C1orf174: variants seen among roughly 807,000 people sequenced by gnomAD.
The protein encoded by C1orf174 is UPF0688 protein C1orf174.
C1orf174 carries 13 observed loss-of-function variants against 18.4 expected under a neutral mutation model. That is an observed-to-expected ratio of 0.71 (90% confidence interval 0.46 to 1.12). The LOEUF (loss-of-function observed/expected upper bound fraction) is 1.12. C1orf174 is among the 50% of genes most tolerant of loss of function. The pLI, the probability that C1orf174 is intolerant of heterozygous loss-of-function variation, is 0.00. For missense variants in C1orf174, 309 were observed against 308.0 expected (o/e 1.00, Z -0.02); for synonymous variants, 100 against 118.3 (o/e 0.85, Z 1.01).
chr1:3,900,181 C>A lies in C1orf174; in HGVS notation c.6G>T (p.Arg2Ser). 1 of 1,587,136 alleles carries A rather than the reference C, an allele frequency of 6.3e-7. No homozygotes were observed. The highest frequency in any genetic ancestry group is 1.1e-5 in the South Asian group (1 of 89,878). ...GGGACCCAGCCCTCACCTTCCGGCT[C>A]CTCATGAGTGTGAGCACCGCAGCCA... M[R>S]SRKLTGAVRS... The change falls in exon 1 of 4, where the codon AGG becomes AGT. Residue 2 changes from arginine to serine, a missense_variant. Arg to Ser is a moderately radical substitution (Grantham distance 110). Coordinates refer to ENST00000361605, the MANE Select transcript of C1orf174 (RefSeq NM_207356.3).
chr1:3,897,436 G>A (rs1054032998), intron 1 of C1orf174, among the ~76,000 whole-genome samples: 6 of 152,196 alleles, frequency 3.9e-5, no homozygotes, highest in African/African-American at 1.4e-4. Context: ...GGCAGGATAA[G>A]CAAACTTGAA....
Position 3,889,789 on chromosome 1 carries a change from G to C in C1orf174, c.*171C>G, listed in dbSNP as rs1638468145. The C allele has an allele frequency of 7.6e-6, 5 of 658,962 alleles. No homozygotes were observed. In the East Asian group the frequency reaches 1.3e-4, roughly 17 times the overall value. 40.8% of individuals were successfully genotyped at this position (658,962 alleles called of 1,614,324 possible). A position where few individuals can be genotyped will look rare whatever the true frequency, so the allele number is the denominator to read the frequency against. On this transcript the variant is annotated 3_prime_UTR_variant, in exon 4 of 4. Transcript: ENST00000361605. ...ATGGTTTGAGTTTTAGTTCCCATGA[G>C]TACATCCTCCACAGGTATTGGGTGC...
At position 3,889,749 on chromosome 1, in the gene C1orf174, T is replaced by C. The variant is rs1638467386; in HGVS notation, c.*211A>G. On this transcript the variant is annotated 3_prime_UTR_variant, in exon 4 of 4. Transcript: ENST00000361605. ...AAGGACATTGGCACAGTACAGCAGC[T>C]TTGCAACCTCAAAGATGGTTTGAGT... The C allele has an allele frequency of 1.7e-6, 1 of 579,574 alleles. No homozygotes were observed. Among genetic ancestry groups the C allele is most frequent in the East Asian group, 2.8e-5 (1 of 35,618 alleles). 35.9% of individuals were successfully genotyped at this position (579,574 alleles called of 1,614,324 possible).
At chr1:3,890,188 C>T (rs1011889786) in intron 3 of C1orf174, 115 bp from the exon 4 acceptor site, 4 of 800,118 alleles carry the variant, frequency 5.0e-6, no homozygotes, top group South Asian at 3.2e-5. Context: ...CCCTTTTAGA[C>T]GTGTGAAAAT....
intron 1 of C1orf174, among the ~76,000 whole-genome samples, chr1:3,895,142 G>T (rs1289619752): frequency 6.6e-6 from 1 of 152,222 alleles, no homozygotes; most frequent in Non-Finnish European, 1.5e-5. Context: ...GCTCTGTGCT[G>T]GAGTATGCTG....
chr1:3,898,516 AAACAACAACAACAACAACAAC>A (rs774183697), intron 1 of C1orf174, among the ~76,000 whole-genome samples: 1 of 139,228 alleles, frequency 7.2e-6, no homozygotes. Flanking sequence ...CTCAAAGCAA[AAACAACAACAACAACAACAAC>A]AACAACAACA....
chr1:3,891,787 CA>C, intron 2 of C1orf174: 1 of 986,306 alleles, frequency 1.0e-6, no homozygotes, highest in Non-Finnish European at 1.2e-6. Flanking sequence ...ACGCTAAGAG[CA>C]GAGCGATGAG....
At chr1:3,894,496 A>G (rs145716888) in intron 1 of C1orf174, among the ~76,000 whole-genome samples, 3,153 of 150,028 alleles carry the variant, frequency 0.021, 66 homozygotes, top group African/African-American at 0.05. Flanking sequence ...AGTCCCAGCT[A>G]CTTGGGAGGC....
intron 2 of C1orf174, chr1:3,891,906 G>A: frequency 2.9e-6 from 2 of 688,650 alleles, no homozygotes; most frequent in Non-Finnish European, 3.5e-6. Context: ...TAGGATCAGG[G>A]CCCGGGTCTA....
At chr1:3,899,558 C>T (rs1418373579) in intron 1 of C1orf174, among the ~76,000 whole-genome samples, 1 of 152,220 alleles carries the variant, frequency 6.6e-6, no homozygotes, top group Non-Finnish European at 1.5e-5. Context: ...CCACTTTTAG[C>T]ACATTCAGTA....
rs978716988 is a variant in C1orf174, at chr1:3,889,701, A to G, written c.*259T>C. The stretch of plus-strand genomic sequence containing the variant: ...CAAGAGAGAAACTCTGTCTCCAAGG[A>G]AAAAAAAAAAAAAAAAAAAAGAAAG... On this transcript the variant is annotated 3_prime_UTR_variant, in exon 4 of 4. Transcript: ENST00000361605. 30 of 53,586 alleles carry G rather than the reference A, an allele frequency of 5.6e-4. No homozygotes were observed. Among genetic ancestry groups the G allele is most frequent in the South Asian group, 2.0e-3 (4 of 2,016 alleles). The allele number at this position is 53,586 out of a possible 1,614,324, so 3.3% of individuals were successfully genotyped here. A position where few individuals can be genotyped will look rare whatever the true frequency, so the allele number is the denominator to read the frequency against.
At position 3,890,692 on chromosome 1, in the gene C1orf174, T is replaced by C; in HGVS notation, c.495A>G (p.Pro165=). The change falls in exon 3 of 4, where the codon CCA becomes CCG. Residue 165 remains proline, a synonymous_variant. Transcript: ENST00000361605. Reference sequence around the variant, plus strand: ...TCTGCACATCCTCTGTCTGTAGCCCTGGCTCATTCTGCTTCTGCACAGTGG... The same window carrying C: ...TCTGCACATCCTCTGTCTGTAGCCCCGGCTCATTCTGCTTCTGCACAGTGG... ...SSSTVQKQNE[P]GLQTEDVQKP... 1 of 1,614,176 alleles carries C rather than the reference T, an allele frequency of 6.2e-7. No homozygotes were observed. Among genetic ancestry groups the C allele is most frequent in the South Asian group, 1.1e-5 (1 of 91,078 alleles).
chr1:3,893,070 C>T (rs1638544274), intron 1 of C1orf174, 74 bp from the exon 2 acceptor site: 2 of 1,519,404 alleles, frequency 1.3e-6, no homozygotes, highest in Non-Finnish European at 1.8e-6. Context: ...AATTTCCCAC[C>T]TAAAGAACAC....
At chr1:3,898,873 A>G (rs1040119191) in intron 1 of C1orf174, among the ~76,000 whole-genome samples, 2 of 152,252 alleles carry the variant, frequency 1.3e-5, no homozygotes, top group African/African-American at 4.8e-5. Flanking sequence ...TTGAGTTTGT[A>G]ACATTATCAG....
intron 1 of C1orf174, among the ~76,000 whole-genome samples, chr1:3,893,997 A>T (rs1379178207): frequency 6.6e-6 from 1 of 152,244 alleles, no homozygotes; most frequent in East Asian, 1.9e-4. Flanking sequence ...AACATTAAGA[A>T]ATTAGTGACA....
At chr1:3,899,815 C>T (rs762820999) in intron 1 of C1orf174, among the ~76,000 whole-genome samples, 2 of 152,004 alleles carry the variant, frequency 1.3e-5, no homozygotes, top group Non-Finnish European at 2.9e-5. Context: ...CCGGAGCCCC[C>T]CTTCTCCCGC....
Position 3,890,554 on chromosome 1 carries a change from AG to A in C1orf174, c.618+14del. On this transcript the variant is annotated intron_variant, in intron 3 of 3. Transcript: ENST00000361605. The stretch of plus-strand genomic sequence containing the variant: ...TGCCTGAGTACCCACGGGAGGAGGA[AG>A]GCGCCGCTCTTACCTGCATGAGCTC... The A allele has an allele frequency of 6.2e-7, 1 of 1,611,744 alleles. No homozygotes were observed.
Position 3,890,127 on chromosome 1 carries a change from G to C in C1orf174, c.619-54C>G, listed in dbSNP as rs553935788. ...TCATGAGCAATACATATCTGCACCC[G>C]CATTTGCAATGTGCCCCACCCAGCG... On this transcript the variant is annotated intron_variant, in intron 3 of 3. Coordinates refer to ENST00000361605, the MANE Select transcript of C1orf174 (RefSeq NM_207356.3). 30 of 1,420,396 alleles carry C rather than the reference G, an allele frequency of 2.1e-5. No individual in the cohort carries two copies. In the Admixed American group the frequency reaches 4.6e-4, roughly 22 times the overall value. The allele number at this position is 1,420,396 out of a possible 1,614,324, so 88.0% of individuals were successfully genotyped here. A position where few individuals can be genotyped will look rare whatever the true frequency, so the allele number is the denominator to read the frequency against.
Position 3,890,674 on chromosome 1 carries a change from A to G in C1orf174, c.513T>C (p.Asp171=), listed in dbSNP as rs1253073786. 1 of 1,614,062 alleles carries G rather than the reference A, an allele frequency of 6.2e-7. No individual in the cohort carries two copies. The highest frequency in any genetic ancestry group is 1.7e-5 in the Admixed American group (1 of 60,020). ...KQNEPGLQTE[D]VQKPPLQMDN... Reference sequence around the variant, plus strand: ...CCATCTGAAGTGGTGGCTTCTGCACATCCTCTGTCTGTAGCCCTGGCTCAT... The same window carrying G: ...CCATCTGAAGTGGTGGCTTCTGCACGTCCTCTGTCTGTAGCCCTGGCTCAT... Residue 171 remains aspartate, a synonymous_variant, in exon 3 of 4, where the codon GAT becomes GAC. Coordinates refer to ENST00000361605, the MANE Select transcript of C1orf174 (RefSeq NM_207356.3).
Sources: allele counts gnomAD v4.1 joint callset (sites outside exome capture counted in the v4.1 genomes callset), GRCh38; gene constraint gnomAD v4.1.1; transcripts MANE v1.5; gene names NCBI Gene and HGNC (gene_info 2026-07-23, HGNC 2026-07-21).